The following LPP variants were observed in gnomAD, a reference collection of about 807,000 sequenced individuals.
The protein encoded by LPP is lipoma-preferred partner.
A neutral mutation model predicts 60.4 loss-of-function variants in LPP; 38 were observed. The ratio of observed to expected loss-of-function variants is 0.63; its 90% CI spans 0.49 to 0.83. The LOEUF (loss-of-function observed/expected upper bound fraction) is 0.83. Among genes scored for constraint, LPP ranks in the 40% least tolerant of loss-of-function variants. LPP has a pLI of 0.00. For missense variants in LPP, 902 were observed against 783.6 expected (o/e 1.15, Z -1.80); for synonymous variants, 328 against 290.8 (o/e 1.13, Z -1.30).
intron 7 of LPP, among the ~76,000 whole-genome samples, chr3:188,626,987 A>G (rs998942679): frequency 6.6e-6 from 1 of 152,188 alleles, no homozygotes; most frequent in African/African-American, 2.4e-5. Context: ...ACTCTTATGA[A>G]TTAAATTCCT....
intron 9 of LPP, among the ~76,000 whole-genome samples, chr3:188,764,918 C>A (rs1351191344): frequency 6.6e-6 from 1 of 152,088 alleles, no homozygotes; most frequent in African/African-American, 2.4e-5. Flanking sequence ...AAATAGGAGG[C>A]CAACTCCACA....
intron 2 of LPP, among the ~76,000 whole-genome samples, chr3:188,298,705 G>A (rs1748741845): frequency 6.6e-6 from 1 of 152,236 alleles, no homozygotes; most frequent in Non-Finnish European, 1.5e-5. Context: ...CATGAAAAGA[G>A]TGAGAAGGTC....
intron 6 of LPP, among the ~76,000 whole-genome samples, chr3:188,567,886 T>C (rs1337703310): frequency 6.6e-6 from 1 of 152,040 alleles, no homozygotes; most frequent in Non-Finnish European, 1.5e-5. Flanking sequence ...TATTTGGTGA[T>C]TTGTTGCTGG....
chr3:188,592,557 G>GTTTTTTTTTTTTTTTTTTT (rs1553936333), intron 6 of LPP, among the ~76,000 whole-genome samples: 15 of 85,738 alleles, frequency 1.7e-4, no homozygotes, highest in African/African-American at 5.9e-4. Context: ...TTTTGTTTTT[G>GTTTTTTTTTTTTTTTTTTT]TTTTTTAAAT....
intron 3 of LPP, among the ~76,000 whole-genome samples, chr3:188,360,193 C>A (rs540394852): frequency 6.6e-6 from 1 of 152,236 alleles, no homozygotes; most frequent in East Asian, 1.9e-4. Context: ...CTTTTCAAAC[C>A]CGGCCTGCAT....
intron 4 of LPP, among the ~76,000 whole-genome samples, chr3:188,463,106 A>AAAC (rs1320880238): frequency 6.6e-6 from 1 of 152,176 alleles, no homozygotes; most frequent in African/African-American, 2.4e-5. Flanking sequence ...CTGTCTCCAA[A>AAAC]AACAACAACA....
At chr3:188,719,368 G>A (rs776775199) in intron 8 of LPP, among the ~76,000 whole-genome samples, 26 of 152,104 alleles carry the variant, frequency 1.7e-4, no homozygotes, top group Non-Finnish European at 2.8e-4. Context: ...AAGATTGTCC[G>A]TTTAAAGTAA....
In LPP at chr3:188,876,389, A is replaced by C. The variant is rs2152069377; in HGVS notation, c.*1910A>C. ...AGAACCACCAAAATTATAGCTTTTA[A>C]GAGCTTCCTTTGACCACTGTCTTTT... On this transcript the variant is annotated 3_prime_UTR_variant, in exon 12 of 12. Transcript: ENST00000617246. The C allele has an allele frequency of 5.2e-6, 1 of 192,978 alleles. No homozygotes were observed. The highest frequency in any genetic ancestry group is 1.1e-5 in the Non-Finnish European group (1 of 92,086). 12.0% of individuals were successfully genotyped at this position (192,978 alleles called of 1,614,324 possible).
At chr3:188,319,701 C>G (rs1756364326) in intron 2 of LPP, among the ~76,000 whole-genome samples, 1 of 151,958 alleles carries the variant, frequency 6.6e-6, no homozygotes, top group African/African-American at 2.4e-5. Context: ...TCCTGTGTAC[C>G]CTTCACCCAG....
At chr3:188,669,048 T>C (rs899266368) in intron 7 of LPP, among the ~76,000 whole-genome samples, 2 of 152,150 alleles carry the variant, frequency 1.3e-5, no homozygotes, top group African/African-American at 4.8e-5. Context: ...AATCTTAAAC[T>C]TGTGTATAGA....
intron 2 of LPP, among the ~76,000 whole-genome samples, chr3:188,285,221 T>G (rs567387120): frequency 1.3e-5 from 2 of 152,264 alleles, no homozygotes; most frequent in African/African-American, 4.8e-5. Flanking sequence ...GTATTGTTGG[T>G]CGTAGGATAA....
At chr3:188,598,092 T>C (rs919660818) in intron 6 of LPP, among the ~76,000 whole-genome samples, 3 of 152,112 alleles carry the variant, frequency 2.0e-5, no homozygotes, top group African/African-American at 7.2e-5. Context: ...CAGTTAGAAG[T>C]TGCGAGATGG....
At chr3:188,748,642 G>A (rs959578117) in intron 8 of LPP, among the ~76,000 whole-genome samples, 9 of 152,106 alleles carry the variant, frequency 5.9e-5, no homozygotes, top group Non-Finnish European at 1.2e-4. Flanking sequence ...AATTAGCTGG[G>A]CATGGTGACG....
chr3:188,749,203 C>T (rs1727263999), intron 8 of LPP, among the ~76,000 whole-genome samples: 2 of 152,154 alleles, frequency 1.3e-5, no homozygotes, highest in South Asian at 2.1e-4. Context: ...CAGGCAACAG[C>T]GCCTACTAGT....
At position 188,278,712 on chromosome 3, in the gene LPP, A is replaced by G. The variant is rs968869348; in HGVS notation, c.-67+53185A>G. Reference sequence around the variant, plus strand: ...TGGCTCTATTATAATACAATACGTTATAATAAGATCTAGGGGCATTCTCGA... The same window carrying G: ...TGGCTCTATTATAATACAATACGTTGTAATAAGATCTAGGGGCATTCTCGA... On this transcript the variant is annotated intron_variant, in intron 2 of 11. Coordinates refer to ENST00000617246, the MANE Select transcript of LPP (RefSeq NM_001375462.1). Among the ~76,000 whole-genome samples, 15 of 152,084 alleles carry G rather than the reference A, an allele frequency of 9.9e-5. 1 individual carries two copies. The highest frequency in any genetic ancestry group is 3.1e-4 in the African/African-American group (13 of 41,420).
chr3:188,601,584 A>G (rs1369027604), intron 6 of LPP, among the ~76,000 whole-genome samples: 1 of 152,176 alleles, frequency 6.6e-6, no homozygotes, highest in East Asian at 1.9e-4. Context: ...GGCTTTAGCA[A>G]CAGTATCTAA....
At chr3:188,281,617 A>C (rs1307333267) in intron 2 of LPP, among the ~76,000 whole-genome samples, 4 of 147,542 alleles carry the variant, frequency 2.7e-5, no homozygotes, top group Admixed American at 2.0e-4. Context: ...AAAAAAAAAA[A>C]AAAAAGCTCC....
chr3:188,305,134 T>A (rs1319908045), intron 2 of LPP, among the ~76,000 whole-genome samples: 2 of 152,186 alleles, frequency 1.3e-5, no homozygotes, highest in Non-Finnish European at 2.9e-5. Context: ...GGGTGATAAG[T>A]TCTTTGAAGT....
At chr3:188,180,574 G>A (rs1177980507) in intron 1 of LPP, 1 of 154,460 alleles carries the variant, frequency 6.5e-6, no homozygotes, top group Middle Eastern at 5.2e-4. Context: ...CCTAGTCATA[G>A]TAACACATTT....
Sources: gnomAD v4.1 joint callset for allele counts (sites outside exome capture counted in the v4.1 genomes callset) on GRCh38, gnomAD v4.1.1 for gene constraint, MANE v1.5 for transcripts, NCBI Gene and HGNC (gene_info 2026-07-23, HGNC 2026-07-21) for gene names.